MMP16: variants seen among roughly 807,000 people sequenced by gnomAD.
MMP16 encodes matrix metallopeptidase 16, also known as matrix metalloproteinase-16.
In MMP16, 12 loss-of-function variants were observed where a neutral mutation model predicts 67.8. The observed-to-expected ratio is 0.18, with a 90% CI of 0.11 to 0.29. MMP16 has a LOEUF of 0.29. Among genes scored for constraint, MMP16 ranks in the 10% least tolerant of loss-of-function variants. The pLI, the probability that MMP16 is intolerant of heterozygous loss-of-function variation, is 1.00. For missense variants in MMP16, 475 were observed against 765.7 expected (o/e 0.62, Z 4.48); for synonymous variants, 249 against 255.9 (o/e 0.97, Z 0.26).
At chr8:88,079,292 A>C (rs895193077) in intron 6 of MMP16, among the ~76,000 whole-genome samples, 1 of 152,096 alleles carries the variant, frequency 6.6e-6, no homozygotes, top group Non-Finnish European at 1.5e-5. Flanking sequence ...CAGCATAATA[A>C]GGTATTTTGA....
At chr8:88,197,455 ATAT>A (rs1411167641) in intron 1 of MMP16, 149 bp from the exon 2 acceptor site, 1 of 591,526 alleles carries the variant, frequency 1.7e-6, no homozygotes, top group African/African-American at 1.9e-5. Flanking sequence ...TGTAATATAT[ATAT>A]TATGTAGGTT....
intron 1 of MMP16, among the ~76,000 whole-genome samples, chr8:88,256,576 C>T (rs1440328831): frequency 1.3e-5 from 2 of 152,020 alleles, no homozygotes; most frequent in African/African-American, 4.8e-5. Context: ...AGAAGAAAGA[C>T]AAACTACTGA....
intron 1 of MMP16, among the ~76,000 whole-genome samples, chr8:88,282,573 G>C (rs1025666046): frequency 9.2e-5 from 14 of 152,208 alleles, no homozygotes; most frequent in African/African-American, 3.4e-4. Flanking sequence ...ACATTGACTA[G>C]GGCTTCTAGA....
chr8:88,166,388 T>C (rs1808710524), intron 4 of MMP16, among the ~76,000 whole-genome samples: 1 of 151,924 alleles, frequency 6.6e-6, no homozygotes, highest in Non-Finnish European at 1.5e-5. Context: ...CTGCAAATTT[T>C]TTAAAACACA....
intron 1 of MMP16, among the ~76,000 whole-genome samples, chr8:88,220,172 C>A (rs1051856999): frequency 6.6e-6 from 1 of 152,004 alleles, no homozygotes; most frequent in African/African-American, 2.4e-5. Context: ...ATTATCACAC[C>A]TAAAGAATTC....
chr8:88,157,466 C>A (rs893042824), intron 4 of MMP16, among the ~76,000 whole-genome samples: 6 of 151,736 alleles, frequency 4.0e-5, no homozygotes, highest in Non-Finnish European at 5.9e-5. Context: ...GCATATAAAT[C>A]CCTTACATGA....
chr8:88,256,705 CCA>C (rs1810307838), intron 1 of MMP16, among the ~76,000 whole-genome samples: 1 of 150,712 alleles, frequency 6.6e-6, no homozygotes, highest in Admixed American at 6.6e-5. Flanking sequence ...CACACACACC[CCA>C]CACACACCAT....
intron 1 of MMP16, among the ~76,000 whole-genome samples, chr8:88,319,411 GTA>G (rs1269980057): frequency 6.6e-6 from 1 of 151,916 alleles, no homozygotes; most frequent in East Asian, 1.9e-4. Context: ...GTCCTGCAAA[GTA>G]ACTAAAATAT....
intron 1 of MMP16, among the ~76,000 whole-genome samples, chr8:88,243,652 C>T (rs1022217502): frequency 6.6e-6 from 1 of 152,160 alleles, no homozygotes; most frequent in Non-Finnish European, 1.5e-5. Context: ...TAAATACTTG[C>T]TTTCTGCTGA....
At chr8:88,239,294 CAAAA>C (rs34599512) in intron 1 of MMP16, among the ~76,000 whole-genome samples, 14 of 80,532 alleles carry the variant, frequency 1.7e-4, no homozygotes, top group Non-Finnish European at 2.9e-4. Context: ...GACGCAGTCT[CAAAA>C]AAAAAAAAAA....
At chr8:88,278,895 T>G (rs1286942000) in intron 1 of MMP16, among the ~76,000 whole-genome samples, 1 of 151,998 alleles carries the variant, frequency 6.6e-6, no homozygotes, top group Non-Finnish European at 1.5e-5. Flanking sequence ...AGAAGTAGAG[T>G]AGCTCCAGGG....
At chr8:88,212,094 GTC>G (rs1231488107) in intron 1 of MMP16, among the ~76,000 whole-genome samples, 1 of 152,102 alleles carries the variant, frequency 6.6e-6, no homozygotes, top group Non-Finnish European at 1.5e-5. Context: ...CTTCCTTGAA[GTC>G]TCTCTCTTTC....
At chr8:88,160,500 G>T (rs1168545514) in intron 4 of MMP16, among the ~76,000 whole-genome samples, 4 of 152,024 alleles carry the variant, frequency 2.6e-5, no homozygotes, top group African/African-American at 7.2e-5. Context: ...CTCAAAAGAA[G>T]ACATTTATGT....
At chr8:88,138,115 T>C (rs1808152689) in intron 4 of MMP16, among the ~76,000 whole-genome samples, 1 of 151,960 alleles carries the variant, frequency 6.6e-6, no homozygotes, top group Non-Finnish European at 1.5e-5. Context: ...CTAGGTCTAG[T>C]TTCTTTTGGA....
intron 1 of MMP16, among the ~76,000 whole-genome samples, chr8:88,262,129 A>C (rs974064023): frequency 7.2e-5 from 11 of 152,216 alleles, no homozygotes; most frequent in Non-Finnish European, 1.5e-4. Context: ...AATCCAAGCC[A>C]CAGCTCCATT....
In MMP16 at chr8:88,116,711, A is replaced by G; in HGVS notation, c.879T>C (p.Pro293=). 1 of 1,613,296 alleles carries G rather than the reference A, an allele frequency of 6.2e-7. No homozygotes were observed. Among genetic ancestry groups the G allele is most frequent in the Non-Finnish European group, 8.5e-7 (1 of 1,179,590 alleles). Residue 293 remains proline (P), a synonymous_variant, in exon 6 of 10, where the codon CCT becomes CCC. Coordinates refer to ENST00000286614, the MANE Select transcript of MMP16 (RefSeq NM_005941.5). The stretch of plus-strand genomic sequence containing the variant: ...GTCTTGTAGGTGGAGGAATCTTGTC[A>G]GGTGGACCTTTTGAAAATATGAGGA... ...LQGIQKIYGP[P]DKIPPPTRPL...
At chr8:88,069,222 C>A in intron 7 of MMP16, 1 of 301,712 alleles carries the variant, frequency 3.3e-6, no homozygotes, top group Non-Finnish European at 6.4e-6. Flanking sequence ...CTATTTAGGC[C>A]TCTTTACTTT....
chr8:88,295,829 G>A (rs955703841), intron 1 of MMP16, among the ~76,000 whole-genome samples: 7 of 152,048 alleles, frequency 4.6e-5, no homozygotes, highest in Non-Finnish European at 1.0e-4. Flanking sequence ...TAGGTAATAC[G>A]TTGCTTTACA....
chr8:88,316,564 CT>C (rs1477090794), intron 1 of MMP16, among the ~76,000 whole-genome samples: 2 of 152,146 alleles, frequency 1.3e-5, no homozygotes, highest in Non-Finnish European at 2.9e-5. Flanking sequence ...CCCACTGAGA[CT>C]TACTGCTCAG....
Sources: allele counts gnomAD v4.1 joint callset (sites outside exome capture counted in the v4.1 genomes callset), GRCh38; gene constraint gnomAD v4.1.1; transcripts MANE v1.5; gene names NCBI Gene and HGNC (gene_info 2026-07-23, HGNC 2026-07-21).